Variants in ALK observed in about 807,000 individuals in gnomAD.
The protein encoded by ALK is ALK receptor tyrosine kinase.
ALK carries 74 observed loss-of-function variants against 163.1 expected under a neutral mutation model. That is an observed-to-expected ratio of 0.45 (90% CI 0.38 to 0.55). The LOEUF (loss-of-function observed/expected upper bound fraction) is 0.55, where lower values mean the gene tolerates loss of function less well. Among genes scored for constraint, ALK ranks in the 20% least tolerant of loss-of-function variants. The pLI, the probability that ALK is intolerant of heterozygous loss-of-function variation, is 0.00. For synonymous variants in ALK, 960 were observed against 843.2 expected, an observed-to-expected ratio of 1.14 and a Z score of -2.40; for missense variants, 2,063 against 2,105.3, an observed-to-expected ratio of 0.98 and a Z score of 0.39.
At chr2:29,470,302 A>G (rs1175931153) in intron 4 of ALK, among the ~76,000 whole-genome samples, 1 of 150,254 alleles carries the variant, frequency 6.7e-6, no homozygotes, top group African/African-American at 2.4e-5. Context: ...ACAAGAGGAA[A>G]GAGGGAAAGG....
chr2:29,888,848 G>C (rs999132996), intron 1 of ALK, among the ~76,000 whole-genome samples: 1 of 152,128 alleles, frequency 6.6e-6, no homozygotes. Flanking sequence ...TGTTGTTACC[G>C]TAACATCCAA....
chr2:29,712,381 G>T (rs1424254150), intron 2 of ALK, among the ~76,000 whole-genome samples: 1 of 152,240 alleles, frequency 6.6e-6, no homozygotes, highest in Non-Finnish European at 1.5e-5. Context: ...GACCTGGCCT[G>T]GAAGGGGCAG....
chr2:29,650,646 G>A (rs1677011909), intron 3 of ALK, among the ~76,000 whole-genome samples: 1 of 151,946 alleles, frequency 6.6e-6, no homozygotes. Flanking sequence ...CTGTTTTCTG[G>A]TATCTGGATA....
At chr2:29,861,783 GA>G (rs1357827141) in intron 1 of ALK, among the ~76,000 whole-genome samples, 1 of 152,098 alleles carries the variant, frequency 6.6e-6, no homozygotes, top group Non-Finnish European at 1.5e-5. Context: ...CTCACTTTAT[GA>G]GGCAAAATTA....
intron 5 of ALK, among the ~76,000 whole-genome samples, chr2:29,343,377 TAA>T (rs36010663): frequency 1.3e-4 from 17 of 132,810 alleles, no homozygotes; most frequent in Non-Finnish European, 9.5e-5. Context: ...TCTGGCTAAG[TAA>T]AAAAAAAAAA....
chr2:29,394,498 G>A (rs1669256014), intron 4 of ALK, among the ~76,000 whole-genome samples: 1 of 152,204 alleles, frequency 6.6e-6, no homozygotes, highest in African/African-American at 2.4e-5. Flanking sequence ...GGAGCTGTGG[G>A]GAGGGACCCA....
intron 3 of ALK, among the ~76,000 whole-genome samples, chr2:29,676,228 G>C (rs1242937980): frequency 6.6e-6 from 1 of 151,944 alleles, no homozygotes; most frequent in Non-Finnish European, 1.5e-5. Context: ...TCAATGTCTT[G>C]CATTGATTGT....
chr2:29,787,950 T>G (rs1664085544), intron 1 of ALK, among the ~76,000 whole-genome samples: 1 of 152,224 alleles, frequency 6.6e-6, no homozygotes, highest in Non-Finnish European at 1.5e-5. Context: ...ATGGAAATAT[T>G]GGTTAGGTGT....
intron 9 of ALK, among the ~76,000 whole-genome samples, chr2:29,279,647 T>G (rs1161685981): frequency 6.6e-6 from 1 of 152,114 alleles, no homozygotes; most frequent in Non-Finnish European, 1.5e-5. Context: ...CGAAGGTGCC[T>G]GGTTGTGTGT....
At chr2:29,662,990 C>T (rs1251985384) in intron 3 of ALK, among the ~76,000 whole-genome samples, 4 of 152,118 alleles carry the variant, frequency 2.6e-5, no homozygotes, top group Non-Finnish European at 5.9e-5. Context: ...TGATGATTGA[C>T]AATAAATCAG....
intron 3 of ALK, among the ~76,000 whole-genome samples, chr2:29,650,582 A>C (rs1677010436): frequency 6.6e-6 from 1 of 152,070 alleles, no homozygotes; most frequent in Admixed American, 6.5e-5. Flanking sequence ...TTTCTAACCT[A>C]ATCTTATTTG....
At chr2:29,750,708 G>GCAGT in intron 1 of ALK, among the ~76,000 whole-genome samples, 2 of 146,164 alleles carry the variant, frequency 1.4e-5, no homozygotes, top group Non-Finnish European at 3.1e-5. Context: ...AGGCAGGCAG[G>GCAGT]CAGGAAGGAA....
At position 29,720,540 on chromosome 2, in the gene ALK, G is replaced by A. The variant is rs914528303; in HGVS notation, c.668-2843C>T. ...GAGCTAATGTGGGGGTCAGCCAAAA[G>A]GCTGAGCCTCCCCACCTGAAAAGTC... On this transcript the variant is annotated intron_variant, in intron 1 of 28. Coordinates refer to ENST00000389048, the MANE Select transcript of ALK (RefSeq NM_004304.5). Among the ~76,000 whole-genome samples the A allele has an allele frequency of 7.2e-5, 11 of 152,318 alleles. No homozygotes were observed. The East Asian group carries it at 2.1e-3, about 29-fold the overall frequency.
chr2:29,534,341 AG>A (rs1673198263), intron 3 of ALK, among the ~76,000 whole-genome samples: 1 of 152,198 alleles, frequency 6.6e-6, no homozygotes, highest in Non-Finnish European at 1.5e-5. Flanking sequence ...TTGTAAGCAA[AG>A]GCAATGTGTT....
At chr2:29,562,551 A>G (rs76843006) in intron 3 of ALK, among the ~76,000 whole-genome samples, 2,670 of 152,300 alleles carry the variant, frequency 0.018, 52 homozygotes, top group African/African-American at 0.05. Flanking sequence ...TTCCTTGATA[A>G]GGCCATTACA....
Position 29,227,726 on chromosome 2 carries a change from AACAC to A in ALK, c.2816-58_2816-55del, listed in dbSNP as rs924707254. ...CATGGGGGGTGGGTGCCAAAATCTT[AACAC>A]ACACACACGTCAGTGGGGCATGCAG... On this transcript the variant is annotated intron_variant, in intron 16 of 28. Transcript: ENST00000389048. This position sits in a 1 kb window ranked among gnomAD's most constrained non-coding sequence, Gnocchi z 4.4. The A allele has an allele frequency of 1.6e-5, 22 of 1,388,188 alleles. No homozygotes were observed. Among genetic ancestry groups the A allele is most frequent in the Non-Finnish European group, 2.2e-5 (21 of 975,696 alleles). 86.0% of individuals were successfully genotyped at this position (1,388,188 alleles called of 1,614,324 possible).
intron 4 of ALK, among the ~76,000 whole-genome samples, chr2:29,434,442 A>G (rs543614923): frequency 6.6e-6 from 1 of 152,354 alleles, no homozygotes; most frequent in Non-Finnish European, 1.5e-5. Flanking sequence ...CATAATTTGC[A>G]TGGCTAAAAT....
At chr2:29,612,189 C>G (rs893318278) in intron 3 of ALK, among the ~76,000 whole-genome samples, 1 of 152,202 alleles carries the variant, frequency 6.6e-6, no homozygotes, top group Non-Finnish European at 1.5e-5. Flanking sequence ...GCTTCTGAGA[C>G]AGATACCTTT....
intron 3 of ALK, among the ~76,000 whole-genome samples, chr2:29,608,209 T>C (rs1472892301): frequency 6.6e-6 from 1 of 152,132 alleles, no homozygotes; most frequent in Non-Finnish European, 1.5e-5. Flanking sequence ...ATGCTTTCTT[T>C]TCTTCCTACC....
Sources: gnomAD v4.1 joint callset for allele counts (sites outside exome capture counted in the v4.1 genomes callset) on GRCh38, gnomAD v4.1.1 for gene constraint, Gnocchi (gnomAD v3.1) non-coding constraint, MANE v1.5 for transcripts, NCBI Gene and HGNC (gene_info 2026-07-23, HGNC 2026-07-21) for gene names.